Variants in SLC35F4 observed in about 807,000 individuals in gnomAD.
SLC35F4 encodes the protein chromosome 14 open reading frame 36.
In SLC35F4, 24 loss-of-function variants were observed where a neutral mutation model predicts 44.2. The observed-to-expected ratio is 0.54, with a 90% CI of 0.39 to 0.76. The LOEUF is 0.76. SLC35F4 is among the 30% of genes least tolerant of loss of function. The pLI is 0.00. For missense variants in SLC35F4, 562 were observed against 586.1 expected, an observed-to-expected ratio of 0.96 and a Z score of 0.42; for synonymous variants, 238 against 223.6, an observed-to-expected ratio of 1.06 and a Z score of -0.57.
intron 1 of SLC35F4, among the ~76,000 whole-genome samples, chr14:57,628,941 T>C (rs892534996): frequency 6.4e-4 from 97 of 152,120 alleles, no homozygotes; most frequent in Non-Finnish European, 1.2e-3. Context: ...GGATTTCCCC[T>C]GAGAATGAAC....
At chr14:57,645,040 A>G (rs4597224) in intron 1 of SLC35F4, among the ~76,000 whole-genome samples, 90,685 of 152,006 alleles carry the variant, frequency 0.6, 27,958 homozygotes, top group Non-Finnish European at 0.68. Context: ...AGTATAGTTT[A>G]AAGTCAGGTA....
intron 1 of SLC35F4, among the ~76,000 whole-genome samples, chr14:57,750,495 C>T (rs2076858883): frequency 6.6e-6 from 1 of 152,170 alleles, no homozygotes; most frequent in Admixed American, 6.5e-5. Flanking sequence ...ACATTCCCAC[C>T]AACAGTGTAT....
intron 1 of SLC35F4, among the ~76,000 whole-genome samples, chr14:57,946,545 A>G (rs1203751339): frequency 7.8e-6 from 1 of 128,916 alleles, no homozygotes; most frequent in Non-Finnish European, 1.5e-5. Flanking sequence ...CACGATCTCC[A>G]CTCACTGCAA....
intron 1 of SLC35F4, among the ~76,000 whole-genome samples, chr14:57,738,126 T>G (rs1298607157): frequency 6.6e-6 from 1 of 152,210 alleles, no homozygotes; most frequent in Non-Finnish European, 1.5e-5. Context: ...GAAATGCTGG[T>G]ACATCTCTAT....
At chr14:57,947,746 G>T (rs181904451) in intron 1 of SLC35F4, among the ~76,000 whole-genome samples, 3 of 152,174 alleles carry the variant, frequency 2.0e-5, no homozygotes, top group African/African-American at 4.8e-5. Context: ...AGGGATGTTG[G>T]ATTTTATCAA....
intron 1 of SLC35F4, among the ~76,000 whole-genome samples, chr14:57,754,582 T>G (rs1047094578): frequency 6.6e-6 from 1 of 152,180 alleles, no homozygotes; most frequent in Non-Finnish European, 1.5e-5. Flanking sequence ...CAAGGCCAGC[T>G]TTATGAGTGC....
In SLC35F4 at chr14:57,572,007, T is replaced by C. The variant is rs1566627824; in HGVS notation, c.820A>G (p.Ile274Val). 1.2e-6 allele frequency: 2 copies of C among 1,610,082 alleles called. No individual in the cohort carries two copies. Among genetic ancestry groups the C allele is most frequent in the East Asian group, 2.2e-5 (1 of 44,764 alleles). ...RFMGVRIVAA[I>V]MAITGIVMMA... ...ATGACAATGCCGGTAATTGCCATTA[T>C]TGCAGCAACTATCTGTCAAATAGGA... The change falls in exon 5 of 8, where the codon ATA becomes GTA. Residue 274 changes from isoleucine to valine, a missense_variant. Coordinates refer to ENST00000556826, the MANE Select transcript of SLC35F4 (RefSeq NM_001306087.2).
At chr14:57,858,362 G>T (rs1422458795) in intron 1 of SLC35F4, among the ~76,000 whole-genome samples, 1 of 151,980 alleles carries the variant, frequency 6.6e-6, no homozygotes, top group Non-Finnish European at 1.5e-5. Context: ...CAAAAAGGAT[G>T]AGTTCATGTC....
At chr14:57,963,605 G>T (rs937907950) in intron 1 of SLC35F4, among the ~76,000 whole-genome samples, 2 of 152,078 alleles carry the variant, frequency 1.3e-5, no homozygotes, top group East Asian at 3.9e-4. Flanking sequence ...TGTTTACAGC[G>T]GGCTCACAGC....
chr14:57,675,240 A>G (rs937602314), intron 1 of SLC35F4, among the ~76,000 whole-genome samples: 2 of 152,060 alleles, frequency 1.3e-5, no homozygotes, highest in African/African-American at 4.8e-5. Flanking sequence ...TGTGCATTTC[A>G]TTTTAAGTAA....
chr14:57,630,546 AT>A, intron 1 of SLC35F4: 1 of 1,109,098 alleles, frequency 9.0e-7, no homozygotes, highest in Non-Finnish European at 1.4e-6. Flanking sequence ...TCCAAAACAC[AT>A]TATAAGTCTG....
At chr14:57,709,701 T>C (rs906421018) in intron 1 of SLC35F4, among the ~76,000 whole-genome samples, 8 of 152,118 alleles carry the variant, frequency 5.3e-5, no homozygotes, top group Non-Finnish European at 1.2e-4. Flanking sequence ...AACTTTGAAC[T>C]TGAAAGAGAT....
At chr14:57,619,747 G>T (rs1308240171) in intron 1 of SLC35F4, among the ~76,000 whole-genome samples, 1 of 152,152 alleles carries the variant, frequency 6.6e-6, no homozygotes, top group African/African-American at 2.4e-5. Context: ...ACTCCTCTGA[G>T]CTAAAGGAGC....
At chr14:57,630,031 G>T (rs1011939804) in intron 1 of SLC35F4, 7 of 535,796 alleles carry the variant, frequency 1.3e-5, no homozygotes, top group African/African-American at 1.2e-4. Context: ...TGTTCCGCTT[G>T]ATTTCTACAT....
intron 1 of SLC35F4, among the ~76,000 whole-genome samples, chr14:57,649,377 A>G (rs1251455603): frequency 6.6e-6 from 1 of 152,118 alleles, no homozygotes; most frequent in African/African-American, 2.4e-5. Context: ...TCCAGCTTCT[A>G]GAAGCTGCCT....
At chr14:57,795,811 A>T (rs1392583494) in intron 1 of SLC35F4, among the ~76,000 whole-genome samples, 1 of 152,112 alleles carries the variant, frequency 6.6e-6, no homozygotes, top group East Asian at 1.9e-4. Flanking sequence ...TCCAACCTTT[A>T]TATTAGGTTT....
chr14:57,632,246 G>A (rs1318976555), intron 1 of SLC35F4, among the ~76,000 whole-genome samples: 1 of 151,992 alleles, frequency 6.6e-6, no homozygotes, highest in East Asian at 1.9e-4. Context: ...AAGTTGTGGG[G>A]TTAAATTTTG....
intron 1 of SLC35F4, among the ~76,000 whole-genome samples, chr14:57,742,326 C>T (rs2076633310): frequency 6.6e-6 from 1 of 152,130 alleles, no homozygotes; most frequent in Non-Finnish European, 1.5e-5. Context: ...ATTCAGGAGA[C>T]ACATCTCATA....
chr14:57,644,600 C>A (rs915677683), intron 1 of SLC35F4, among the ~76,000 whole-genome samples: 1 of 152,072 alleles, frequency 6.6e-6, no homozygotes, highest in African/African-American at 2.4e-5. Context: ...TTTTGCTGTG[C>A]AGAAGCTCTT....
Sources: gnomAD v4.1 joint callset for allele counts (sites outside exome capture counted in the v4.1 genomes callset) on GRCh38, gnomAD v4.1.1 for gene constraint, MANE v1.5 for transcripts, NCBI Gene and HGNC (gene_info 2026-07-23, HGNC 2026-07-21) for gene names.